STAP2: variants seen among roughly 807,000 people sequenced by gnomAD.
The protein encoded by STAP2 is signal transducing adaptor family member 2, also known as signal-transducing adaptor protein 2.
A neutral mutation model predicts 52.7 loss-of-function variants in STAP2; 58 were observed. The observed-to-expected ratio is 1.10, with a 90% CI of 0.89 to 1.37. The LOEUF is 1.37. Ranked by LOEUF, STAP2 falls within the 40% of genes most tolerant of loss-of-function variation. STAP2 has a pLI of 0.00. For synonymous variants in STAP2, 231 were observed against 210.5 expected (o/e 1.10, Z -0.84); for missense variants, 522 against 519.4 (o/e 1.00, Z -0.05).
chr19:4,338,564 CTT>C, intron 1 of STAP2, 86 bp downstream of exon 1: 41 of 857,314 alleles, frequency 4.8e-5, no homozygotes, highest in Non-Finnish European at 6.3e-5. Context: ...CCCGCCCCCC[CTT>C]GGCGAGTGGG....
intron 12 of STAP2, 52 bp from the exon 13 acceptor site, chr19:4,324,249 G>A: frequency 6.5e-7 from 1 of 1,529,504 alleles, no homozygotes; most frequent in Non-Finnish European, 8.8e-7. Flanking sequence ...CCCAGTCCAT[G>A]CCCACCGCCC....
At chr19:4,325,118 G>A (rs2002349) in intron 11 of STAP2, 98 bp downstream of exon 11, 412,363 of 1,088,796 alleles carry the variant, frequency 0.38, 81,227 homozygotes, top group East Asian at 0.6. Flanking sequence ...CAGCCTGGGC[G>A]ACAGAGTGAG....
chr19:4,328,723 C>G lies in STAP2; in HGVS notation c.542G>C (p.Gly181Ala). The change falls in exon 6 of 13, where the codon GGG becomes GCG. Residue 181 changes from glycine (G) to alanine (A), a missense_variant. Transcript: ENST00000594605. ...ECGNLLLRPS[G>A]DGADGVSVTT... ...GACCGACACGCCGTCGGCGCCGTCC[C>G]CGCTGGGCCGCAGCAGCAGGTTCCC... is the stretch of plus-strand genomic sequence containing the variant. The G allele has an allele frequency of 6.2e-7, 1 of 1,608,432 alleles. No individual in the cohort carries two copies. The highest frequency in any genetic ancestry group is 8.5e-7 in the Non-Finnish European group (1 of 1,178,182).
chr19:4,324,703 G>T (rs1164779075), intron 11 of STAP2, 174 bp from the exon 12 acceptor site: 1 of 598,652 alleles, frequency 1.7e-6, no homozygotes, highest in Admixed American at 3.0e-5. Flanking sequence ...GTGGTGGCAG[G>T]TGCCTGTAAT....
At chr19:4,331,088 G>C (rs1971882896) in intron 4 of STAP2, among the ~76,000 whole-genome samples, 1 of 151,614 alleles carries the variant, frequency 6.6e-6, no homozygotes, top group South Asian at 2.1e-4. Context: ...CTATCACTTT[G>C]GGAGGCCAAG....
intron 11 of STAP2, chr19:4,324,911 G>T: frequency 4.7e-6 from 2 of 422,234 alleles, no homozygotes; most frequent in Non-Finnish European, 8.7e-6. Flanking sequence ...GAGGTGGGCG[G>T]ATCACGAGGT....
intron 4 of STAP2, among the ~76,000 whole-genome samples, chr19:4,331,030 A>G (rs1256857741): frequency 2.0e-5 from 3 of 146,678 alleles, no homozygotes; most frequent in Admixed American, 6.8e-5. Context: ...GCTAATTTTT[A>G]AAAACTTAGC....
chr19:4,334,908 TC>T (rs1971955506), intron 1 of STAP2, among the ~76,000 whole-genome samples: 1 of 126,726 alleles, frequency 7.9e-6, no homozygotes. Flanking sequence ...CATCCACCCA[TC>T]CATCCATCCC....
rs776819049 is a variant in STAP2, at chr19:4,334,033, C to T, written c.114G>A (p.Lys38=). 3 of 1,610,900 alleles carry T rather than the reference C, an allele frequency of 1.9e-6. No individual in the cohort carries two copies. Among genetic ancestry groups the T allele is most frequent in the Non-Finnish European group, 2.5e-6 (3 of 1,178,980 alleles). ...TGAGACCCTGCAGGCCTGCCCAGAA[C>T]TTCTTGTAATCCTAGGGACCAGAAG... is the stretch of plus-strand genomic sequence containing the variant. ...KKGPCDRDYK[K]FWAGLQGLTI... Residue 38 remains lysine, a synonymous_variant, in exon 2 of 13, where the codon AAG becomes AAA. Transcript: ENST00000594605.
In STAP2 at chr19:4,338,797, G is replaced by T; in HGVS notation, c.-44C>A. The T allele has an allele frequency of 6.3e-7, 1 of 1,581,592 alleles. No individual in the cohort carries two copies. Among genetic ancestry groups the T allele is most frequent in the Non-Finnish European group, 8.6e-7 (1 of 1,159,842 alleles). ...CGCCTGGCCTCTCCTTCCAGTGGGTGCCCCAGCTGGGCCGGGAAGCTGAGA... is the reference window on the plus strand; with the variant it reads ...CGCCTGGCCTCTCCTTCCAGTGGGTTCCCCAGCTGGGCCGGGAAGCTGAGA... On this transcript the variant is annotated 5_prime_UTR_variant, in exon 1 of 13. Coordinates refer to ENST00000594605, the MANE Select transcript of STAP2 (RefSeq NM_001013841.2).
chr19:4,329,891 G>A (rs1222643213), intron 5 of STAP2, 70 bp downstream of exon 5: 6 of 1,014,210 alleles, frequency 5.9e-6, no homozygotes, highest in African/African-American at 3.9e-5. Flanking sequence ...CCAACTCACC[G>A]CCCACCCTCA....
rs1036774008 is a variant in STAP2 at position 4,326,846 on chromosome 19, A to T, written c.829+96T>A. On this transcript the variant is annotated intron_variant, in intron 9 of 12. Transcript: ENST00000594605. ...GTCCCTGCAACTTTGGGAACATCAGATGCAGGAGGTGCAGCCACCAAACTG... is the reference window on the plus strand; with the variant it reads ...GTCCCTGCAACTTTGGGAACATCAGTTGCAGGAGGTGCAGCCACCAAACTG... The T allele has an allele frequency of 1.4e-5, 20 of 1,432,392 alleles. No homozygotes were observed. In the African/African-American group the frequency reaches 2.4e-4, roughly 17 times the overall value. 88.7% of individuals were successfully genotyped at this position (1,432,392 alleles called of 1,614,324 possible).
chr19:4,336,419 G>A (rs541592745), intron 1 of STAP2, among the ~76,000 whole-genome samples: 14 of 140,760 alleles, frequency 9.9e-5, no homozygotes, highest in Non-Finnish European at 1.7e-4. Flanking sequence ...CCCAGTTCAA[G>A]CAATTCTCCT....
intron 11 of STAP2, 95 bp from the exon 12 acceptor site, chr19:4,324,624 G>C (rs759124807): frequency 3.8e-6 from 5 of 1,328,650 alleles, no homozygotes; most frequent in East Asian, 2.6e-5. Flanking sequence ...TTGAGGTCAG[G>C]AGTTCGAGAC....
chr19:4,329,275 G>T (rs552559289), intron 5 of STAP2, among the ~76,000 whole-genome samples: 109 of 148,286 alleles, frequency 7.4e-4, no homozygotes, highest in Middle Eastern at 3.5e-3. Flanking sequence ...GGGTTTTTTG[G>T]TTTTTTTTTT....
At chr19:4,329,855 A>G in intron 5 of STAP2, 106 bp downstream of exon 5, 1 of 379,008 alleles carries the variant, frequency 2.6e-6, no homozygotes. Flanking sequence ...TCCTCATGCA[A>G]AATCCAAGAC....
intron 1 of STAP2, 101 bp downstream of exon 1, chr19:4,338,551 C>T (rs1453760850): frequency 5.2e-6 from 4 of 766,124 alleles, no homozygotes; most frequent in Admixed American, 2.6e-5. Flanking sequence ...ATCCAGCACC[C>T]ACCCCGCCCC....
At position 4,338,803 on chromosome 19, in the gene STAP2, G is replaced by A; in HGVS notation, c.-50C>T. 11 of 1,577,150 alleles carry A rather than the reference G, an allele frequency of 7.0e-6. No homozygotes were observed. The highest frequency in any genetic ancestry group is 8.6e-6 in the Non-Finnish European group (10 of 1,157,592). ...GCCTCTCCTTCCAGTGGGTGCCCCA[G>A]CTGGGCCGGGAAGCTGAGAAACAGG... On this transcript the variant is annotated 5_prime_UTR_variant, in exon 1 of 13. Coordinates refer to ENST00000594605, the MANE Select transcript of STAP2 (RefSeq NM_001013841.2).
chr19:4,336,382 C>G (rs11669940), intron 1 of STAP2, among the ~76,000 whole-genome samples: 44,284 of 140,288 alleles, frequency 0.32, 7,248 homozygotes, highest in East Asian at 0.53. Flanking sequence ...GCGGTGGCAC[C>G]ATCTCAGCTC....
Sources: gnomAD v4.1 joint callset for allele counts (sites outside exome capture counted in the v4.1 genomes callset) on GRCh38, gnomAD v4.1.1 for gene constraint, MANE v1.5 for transcripts, NCBI Gene and HGNC (gene_info 2026-07-23, HGNC 2026-07-21) for gene names.